ANP32A: variants seen among roughly 807,000 people sequenced by gnomAD.
The protein encoded by ANP32A is acidic leucine-rich nuclear phosphoprotein 32 family member A.
A neutral mutation model predicts 33.9 loss-of-function variants in ANP32A; 1 was observed. The observed-to-expected ratio is 0.03, with a 90% CI of 0.01 to 0.14. The LOEUF is 0.14. Among genes scored for constraint, ANP32A ranks in the 10% least tolerant of loss-of-function variants. ANP32A has a pLI of 1.00. For missense variants in ANP32A, 155 were observed against 306.0 expected (o/e 0.51, Z 3.68); for synonymous variants, 115 against 120.5 (o/e 0.95, Z 0.30).
At chr15:68,791,268 TG>T (rs1893994668) in intron 1 of ANP32A, 1 of 152,236 alleles carries the variant, frequency 6.6e-6, no homozygotes, top group South Asian at 2.1e-4. Flanking sequence ...GCAGTTTCCC[TG>T]GGTCTTTGGT....
In ANP32A at chr15:68,813,764, C is replaced by T. The variant is rs886367125; in HGVS notation, c.54+6934G>A. Among the ~76,000 whole-genome samples, 12 of 152,082 alleles carry T rather than the reference C, an allele frequency of 7.9e-5. 1 individual carries two copies. In the South Asian group the frequency reaches 2.5e-3, roughly 31 times the overall value. ...GACAATTGGGCCACGTTCATTGGGC[C>T]AGGGCCCAATCACCAACAAGCTCCC... On this transcript the variant is annotated intron_variant, in intron 1 of 6. Coordinates refer to ENST00000465139, the MANE Select transcript of ANP32A (RefSeq NM_006305.4).
At chr15:68,802,519 T>C (rs2924632) in intron 1 of ANP32A, among the ~76,000 whole-genome samples, 64,142 of 152,096 alleles carry the variant, frequency 0.42, 13,861 homozygotes, top group Middle Eastern at 0.56. Flanking sequence ...CAATCTTTTG[T>C]GTAATAAATA....
intron 1 of ANP32A, among the ~76,000 whole-genome samples, chr15:68,810,606 A>G (rs1234811251): frequency 2.6e-5 from 4 of 152,208 alleles, no homozygotes; most frequent in Non-Finnish European, 5.9e-5. Context: ...CAAATTTCCA[A>G]CTGGAGAGAA....
Position 68,787,396 on chromosome 15 carries a change from G to A in ANP32A, c.327+17C>T, listed in dbSNP as rs758907171. On this transcript the variant is annotated intron_variant, in intron 3 of 6. Transcript: ENST00000465139. The stretch of plus-strand genomic sequence containing the variant: ...ACCTCCTACCCCTGCAGGGAGGGGA[G>A]GGTCCGAATGACTTACCAGTGGCTC... 1 of 1,614,132 alleles carries A rather than the reference G, an allele frequency of 6.2e-7. No homozygotes were observed. The highest frequency in any genetic ancestry group is 2.2e-5 in the East Asian group (1 of 44,888).
intron 1 of ANP32A, among the ~76,000 whole-genome samples, chr15:68,816,842 G>A (rs1894389226): frequency 6.6e-6 from 1 of 152,108 alleles, no homozygotes; most frequent in South Asian, 2.1e-4. Flanking sequence ...ACTACTATCA[G>A]CAGCAGAACT....
chr15:68,797,266 C>G (rs1404105614), intron 1 of ANP32A, among the ~76,000 whole-genome samples: 6 of 152,130 alleles, frequency 3.9e-5, no homozygotes, highest in Admixed American at 1.3e-4. Context: ...CTCCAAGATG[C>G]CTGGGGTGGG....
chr15:68,819,103 G>A (rs552971809), intron 1 of ANP32A, among the ~76,000 whole-genome samples: 1 of 152,308 alleles, frequency 6.6e-6, no homozygotes, highest in Non-Finnish European at 1.5e-5. Context: ...GAGGAACTAG[G>A]GAAAAGAGGA....
At chr15:68,800,913 G>T (rs1168088991) in intron 1 of ANP32A, among the ~76,000 whole-genome samples, 1 of 151,970 alleles carries the variant, frequency 6.6e-6, no homozygotes, top group Non-Finnish European at 1.5e-5. Context: ...GAAAAGCCAG[G>T]GCAAAGATCC....
rs1272826401 is a variant in ANP32A at position 68,780,090 on chromosome 15, A to G, written c.741T>C (p.Asp247=). ...AAATAGGTTATTCCACTTAGTCATC[A>G]TCTTCTCCCTCATCTTCAGGTTCTC... ...RKREPEDEGE[D]DD The change falls in exon 7 of 7, where the codon GAT becomes GAC. Residue 247 remains aspartate, a synonymous_variant. Transcript: ENST00000465139. This position sits in a 1 kb window ranked among gnomAD's most constrained non-coding sequence, Gnocchi z 4.3. 1 of 1,613,628 alleles carries G rather than the reference A, an allele frequency of 6.2e-7. No individual in the cohort carries two copies. The highest frequency in any genetic ancestry group is 1.3e-5 in the African/African-American group (1 of 74,994).
chr15:68,803,825 C>G (rs1234692135), intron 1 of ANP32A, among the ~76,000 whole-genome samples: 1 of 95,800 alleles, frequency 1.0e-5, no homozygotes, highest in Non-Finnish European at 1.9e-5. Context: ...TTTTTTGAGA[C>G]GGAGTCTTGC....
intron 1 of ANP32A, among the ~76,000 whole-genome samples, chr15:68,792,500 A>T (rs1258747490): frequency 3.3e-5 from 5 of 152,256 alleles, no homozygotes; most frequent in African/African-American, 1.2e-4. Context: ...AAGACCTGTC[A>T]GTCATTTTTC....
intron 1 of ANP32A, among the ~76,000 whole-genome samples, chr15:68,788,200 G>A (rs1422605911): frequency 6.6e-6 from 1 of 152,202 alleles, no homozygotes; most frequent in Non-Finnish European, 1.5e-5. Context: ...TGGCTGTACC[G>A]CAGAAGACAA....
intron 1 of ANP32A, among the ~76,000 whole-genome samples, chr15:68,807,433 G>GGGA (rs1894248675): frequency 6.8e-6 from 1 of 147,476 alleles, no homozygotes; most frequent in South Asian, 2.1e-4. Flanking sequence ...AAAACGGGGG[G>GGGA]GGGGGAGTCT....
At chr15:68,817,689 G>C (rs1488754614) in intron 1 of ANP32A, 1 of 152,274 alleles carries the variant, frequency 6.6e-6, no homozygotes, top group Non-Finnish European at 1.5e-5. Context: ...GCGTGGGGGG[G>C]GGCATTTGCA....
At chr15:68,812,171 G>A (rs933715146) in intron 1 of ANP32A, among the ~76,000 whole-genome samples, 3 of 152,134 alleles carry the variant, frequency 2.0e-5, no homozygotes, top group Non-Finnish European at 2.9e-5. Flanking sequence ...CTCATTTTGC[G>A]GAGACAAAAA....
At chr15:68,786,705 G>A (rs1567034569) in intron 3 of ANP32A, among the ~76,000 whole-genome samples, 1 of 152,156 alleles carries the variant, frequency 6.6e-6, no homozygotes, top group Non-Finnish European at 1.5e-5. Flanking sequence ...TCAGATCCTG[G>A]TAATTATAGA....
intron 1 of ANP32A, chr15:68,791,060 T>C (rs1313428704): frequency 6.6e-6 from 1 of 152,208 alleles, no homozygotes; most frequent in African/African-American, 2.4e-5. Context: ...GGTTACTCTC[T>C]CCTGTCCCTT....
chr15:68,780,232 C>T lies in ANP32A; in HGVS notation c.689-90G>A. On this transcript the variant is annotated intron_variant, in intron 6 of 6. Transcript: ENST00000465139. The surrounding 1 kb of genome is among the most constrained non-coding windows in gnomAD (Gnocchi z 4.3). ...CAGTGAGAAGTCAGGGGACCCATGA[C>T]TAGCAAGCTGTGCCATCCTTGGAAA... 1 of 1,580,354 alleles carries T rather than the reference C, an allele frequency of 6.3e-7. No individual in the cohort carries two copies. The highest frequency in any genetic ancestry group is 8.6e-7 in the Non-Finnish European group (1 of 1,160,166).
At chr15:68,784,119 T>G in intron 4 of ANP32A, among the ~76,000 whole-genome samples, 1 of 152,206 alleles carries the variant, frequency 6.6e-6, no homozygotes, top group East Asian at 1.9e-4. Context: ...TATTATGCAG[T>G]TGGAGAATCT....
Sources: allele counts gnomAD v4.1 joint callset (sites outside exome capture counted in the v4.1 genomes callset), GRCh38; gene constraint gnomAD v4.1.1; non-coding constraint Gnocchi (gnomAD v3.1); transcripts MANE v1.5; gene names NCBI Gene and HGNC (gene_info 2026-07-23, HGNC 2026-07-21).